Variants in TMEM232 observed in about 807,000 individuals in gnomAD.
The protein encoded by TMEM232 is transmembrane protein 232.
In TMEM232, 80 loss-of-function variants were observed where a neutral mutation model predicts 78.8. That is an observed-to-expected ratio of 1.01 (90% CI 0.85 to 1.22). The LOEUF is 1.22. Among genes scored for constraint, TMEM232 ranks in the 50% most tolerant of loss-of-function variants. The pLI, the probability that TMEM232 is intolerant of heterozygous loss-of-function variation, is 0.00. For synonymous variants in TMEM232, 297 were observed against 254.3 expected, an observed-to-expected ratio of 1.17 and a Z score of -1.60; for missense variants, 881 against 742.2, an observed-to-expected ratio of 1.19 and a Z score of -2.17.
chr5:110,700,322 C>T (rs1795285640), intron 1 of TMEM232, among the ~76,000 whole-genome samples: 1 of 152,002 alleles, frequency 6.6e-6, no homozygotes, highest in Non-Finnish European at 1.5e-5. Flanking sequence ...TTAAATTCAA[C>T]CTTTCTTAAC....
At chr5:110,438,137 C>T (rs910699237) in intron 12 of TMEM232, among the ~76,000 whole-genome samples, 2 of 152,092 alleles carry the variant, frequency 1.3e-5, no homozygotes, top group African/African-American at 4.8e-5. Context: ...CTCAGTGTGC[C>T]TCAAGGCAGA....
chr5:110,570,927 C>G (rs1776869777), intron 10 of TMEM232, among the ~76,000 whole-genome samples: 1 of 151,924 alleles, frequency 6.6e-6, no homozygotes. Context: ...CCCCCTCTTG[C>G]TAATACACTA....
chr5:110,723,404 A>G (rs1797841019), intron 1 of TMEM232, among the ~76,000 whole-genome samples: 1 of 152,112 alleles, frequency 6.6e-6, no homozygotes, highest in African/African-American at 2.4e-5. Context: ...TATCAATGTA[A>G]TAGAGTTCAA....
chr5:110,589,622 A>C (rs1416802187), intron 10 of TMEM232, among the ~76,000 whole-genome samples: 3 of 152,084 alleles, frequency 2.0e-5, no homozygotes, highest in Non-Finnish European at 4.4e-5. Flanking sequence ...TGGACAAATA[A>C]ACTTTTATTG....
At chr5:110,415,300 G>A (rs376069004), downstream of TMEM232, among the ~76,000 whole-genome samples, 64 of 151,158 alleles carry the variant, frequency 4.2e-4, 1 homozygote, top group Admixed American at 3.6e-3. Context: ...CCATTCTCCC[G>A]CCTCAGCCTC....
chr5:110,490,192 A>G (rs183075009), intron 12 of TMEM232, among the ~76,000 whole-genome samples: 17 of 150,618 alleles, frequency 1.1e-4, no homozygotes, highest in Non-Finnish European at 1.8e-4. Context: ...AAAGAAAGAA[A>G]AAGTTAATTG....
intron 1 of TMEM232, among the ~76,000 whole-genome samples, chr5:110,723,257 T>C (rs781575048): frequency 6.6e-6 from 1 of 152,182 alleles, no homozygotes; most frequent in Non-Finnish European, 1.5e-5. Context: ...TTGTTTTTAA[T>C]TGAAATTCCT....
chr5:110,402,897 AAGG>A (rs2112571111), intron 2 of TMEM232, among the ~76,000 whole-genome samples: 1 of 152,222 alleles, frequency 6.6e-6, no homozygotes, highest in Non-Finnish European at 1.5e-5. Context: ...CCAGAAGGAA[AAGG>A]AGAAGGTTGC....
intron 12 of TMEM232, among the ~76,000 whole-genome samples, chr5:110,457,146 C>T (rs758239030): frequency 6.6e-6 from 1 of 151,882 alleles, no homozygotes; most frequent in Non-Finnish European, 1.5e-5. Context: ...ATTCACTATG[C>T]AAGAAAAAAC....
intron 2 of TMEM232, among the ~76,000 whole-genome samples, chr5:110,658,522 G>A (rs1163523774): frequency 2.0e-5 from 3 of 152,078 alleles, no homozygotes; most frequent in Non-Finnish European, 4.4e-5. Context: ...GAGCCATTTA[G>A]AAGAAAATTG....
intron 12 of TMEM232, among the ~76,000 whole-genome samples, chr5:110,464,744 A>G (rs1240973313): frequency 6.6e-6 from 1 of 152,184 alleles, no homozygotes. Context: ...GATAATACGA[A>G]TCACCATAGC....
chr5:110,470,644 G>C (rs115507694), intron 12 of TMEM232, among the ~76,000 whole-genome samples: 41 of 152,254 alleles, frequency 2.7e-4, no homozygotes, highest in African/African-American at 9.6e-4. Flanking sequence ...AGGCCACTGA[G>C]GTACCCAGTT....
At chr5:110,656,697 C>T (rs567230500) in intron 2 of TMEM232, among the ~76,000 whole-genome samples, 4 of 151,814 alleles carry the variant, frequency 2.6e-5, no homozygotes, top group African/African-American at 4.8e-5. Context: ...ATTAGCTGGG[C>T]GTGGTGGCAG....
intron 5 of TMEM232, among the ~76,000 whole-genome samples, chr5:110,637,874 A>C (rs1253338197): frequency 6.6e-6 from 1 of 152,078 alleles, no homozygotes; most frequent in Non-Finnish European, 1.5e-5. Context: ...TAAATGGCAA[A>C]GGAGGTGGCA....
intron 12 of TMEM232, among the ~76,000 whole-genome samples, chr5:110,472,746 A>G (rs1366570054): frequency 6.6e-6 from 1 of 152,034 alleles, no homozygotes; most frequent in African/African-American, 2.4e-5. Context: ...ATGGGACAGT[A>G]TAGAGAGCCC....
intron 2 of TMEM232, among the ~76,000 whole-genome samples, chr5:110,654,612 G>C (rs1433972843): frequency 2.0e-5 from 3 of 152,172 alleles, no homozygotes; most frequent in Non-Finnish European, 4.4e-5. Context: ...TTTGGCTTAG[G>C]ATTGACTTGG....
At chr5:110,521,345 C>T (rs1769475583) in intron 12 of TMEM232, among the ~76,000 whole-genome samples, 1 of 152,062 alleles carries the variant, frequency 6.6e-6, no homozygotes, top group East Asian at 1.9e-4. Context: ...GAAGGAATTC[C>T]TTATATATTT....
rs1052119481 is a variant in TMEM232 at position 110,506,023 on chromosome 5, C to A, written c.1703+22565G>T. On this transcript the variant is annotated intron_variant, in intron 12 of 13. Coordinates refer to ENST00000455884, the MANE Select transcript of TMEM232 (RefSeq NM_001039763.4). ...TCGCATATCTAATTCTTTGAATTTT[C>A]TTTTCACTAAAATATAGAGGGTGTC... Among the ~76,000 whole-genome samples the A allele has an allele frequency of 7.2e-5, 11 of 152,130 alleles. 1 individual carries two copies. The highest frequency in any genetic ancestry group is 6.5e-4 in the Admixed American group (10 of 15,272).
chr5:110,696,179 A>G (rs1794758458), intron 1 of TMEM232, among the ~76,000 whole-genome samples: 2 of 152,356 alleles, frequency 1.3e-5, no homozygotes, highest in African/African-American at 4.8e-5. Context: ...AATCCAGCAT[A>G]TAAAGAGAAC....
Sources: gnomAD v4.1 joint callset for allele counts (sites outside exome capture counted in the v4.1 genomes callset) on GRCh38, gnomAD v4.1.1 for gene constraint, MANE v1.5 for transcripts, NCBI Gene and HGNC (gene_info 2026-07-23, HGNC 2026-07-21) for gene names.